CRYL1: variants seen among roughly 807,000 people sequenced by gnomAD.
The protein encoded by CRYL1 is lambda-crystallin homolog.
CRYL1 carries 29 observed loss-of-function variants against 36.6 expected under a neutral mutation model. That is an observed-to-expected ratio of 0.79 (90% CI 0.59 to 1.08). CRYL1 has a LOEUF of 1.08. Among genes scored for constraint, CRYL1 ranks in the 50% least tolerant of loss-of-function variants. The pLI, the probability that CRYL1 is intolerant of heterozygous loss-of-function variation, is 0.00. For synonymous variants in CRYL1, 152 were observed against 151.5 expected, an observed-to-expected ratio of 1.00 and a Z score of -0.02; for missense variants, 411 against 407.9, an observed-to-expected ratio of 1.01 and a Z score of -0.06.
At chr13:20,520,604 T>C (rs1030376951) in intron 1 of CRYL1, among the ~76,000 whole-genome samples, 6 of 152,150 alleles carry the variant, frequency 3.9e-5, no homozygotes, top group Non-Finnish European at 5.9e-5. Context: ...GGCCCCTTCA[T>C]TGCAGAGGAC....
At chr13:20,426,966 G>A (rs1359151026) in intron 5 of CRYL1, 9 of 985,530 alleles carry the variant, frequency 9.1e-6, no homozygotes, top group Non-Finnish European at 1.1e-5. Flanking sequence ...AGCAATTTCC[G>A]AAGCTCATCA....
At chr13:20,445,149 T>C (rs1255432606) in intron 3 of CRYL1, among the ~76,000 whole-genome samples, 3 of 152,212 alleles carry the variant, frequency 2.0e-5, no homozygotes, top group African/African-American at 7.2e-5. Flanking sequence ...TAACTCACAG[T>C]AGCATTTTCA....
intron 5 of CRYL1, chr13:20,431,291 G>A (rs539140336): frequency 7.7e-5 from 76 of 985,280 alleles, no homozygotes; most frequent in Non-Finnish European, 8.9e-5. Context: ...CAGATGACTC[G>A]AGCCCGAGCA....
At chr13:20,426,962 T>A in intron 5 of CRYL1, 2 of 985,620 alleles carry the variant, frequency 2.0e-6, no homozygotes, top group Non-Finnish European at 2.4e-6. Flanking sequence ...GGTCAGCAAT[T>A]TCCGAAGCTC....
intron 2 of CRYL1, among the ~76,000 whole-genome samples, chr13:20,504,302 C>CTTTTTTTTTTTT (rs757657892): frequency 5.4e-5 from 7 of 128,490 alleles, no homozygotes; most frequent in African/African-American, 1.5e-4. Flanking sequence ...CTTTTCTTTT[C>CTTTTTTTTTTTT]TTTTTTTTTT....
rs563936314 is a variant in CRYL1, at chr13:20,414,695, A to C, written c.634-1308T>G. 5.6e-4 allele frequency among the ~76,000 whole-genome samples: 85 copies of C among 152,202 alleles called. 2 individuals carry two copies. Among genetic ancestry groups the C allele is most frequent in the Non-Finnish European group, 1.5e-4 (10 of 68,020 alleles). ...CAATGTAAATTGCAAAGCAAGAGGCAAGTTGTTATGTATTAAGGTTAGACG... is the reference window on the plus strand; with the variant it reads ...CAATGTAAATTGCAAAGCAAGAGGCCAGTTGTTATGTATTAAGGTTAGACG... On this transcript the variant is annotated intron_variant, in intron 5 of 7. Coordinates refer to ENST00000298248, the MANE Select transcript of CRYL1 (RefSeq NM_015974.3).
intron 3 of CRYL1, among the ~76,000 whole-genome samples, chr13:20,445,511 C>A (rs4770032): frequency 8.4e-4 from 128 of 152,016 alleles, no homozygotes; most frequent in Admixed American, 2.6e-3. Context: ...ATGCTCCTAG[C>A]CTACCTGCCT....
chr13:20,483,600 C>T (rs981435479), intron 3 of CRYL1, among the ~76,000 whole-genome samples: 8 of 152,056 alleles, frequency 5.3e-5, no homozygotes, highest in South Asian at 2.1e-4. Context: ...AGTACAGTGG[C>T]GGGATCTCAG....
chr13:20,508,070 A>T (rs1444050857), intron 2 of CRYL1, among the ~76,000 whole-genome samples: 5 of 151,202 alleles, frequency 3.3e-5, no homozygotes, highest in African/African-American at 9.7e-5. Flanking sequence ...TCTACAAAAA[A>T]ATACAAAAAT....
intron 5 of CRYL1, chr13:20,431,692 T>G: frequency 2.7e-6 from 3 of 1,118,952 alleles, no homozygotes; most frequent in Non-Finnish European, 3.3e-6. Flanking sequence ...TTGAAACAAT[T>G]AGGTTCCTTC....
At chr13:20,523,590 C>T (rs1339214946) in intron 1 of CRYL1, among the ~76,000 whole-genome samples, 1 of 151,952 alleles carries the variant, frequency 6.6e-6, no homozygotes, top group East Asian at 1.9e-4. Context: ...AGTGGGTGTT[C>T]CTTGGAATCA....
intron 4 of CRYL1, chr13:20,433,809 T>C (rs2032134649): frequency 6.5e-6 from 1 of 154,350 alleles, no homozygotes; most frequent in Non-Finnish European, 1.5e-5. Flanking sequence ...TAGAAAGCAT[T>C]TCTATGTACA....
intron 3 of CRYL1, among the ~76,000 whole-genome samples, chr13:20,468,691 T>G (rs2032992432): frequency 6.6e-6 from 1 of 152,092 alleles, no homozygotes; most frequent in African/African-American, 2.4e-5. Context: ...CTGCAACCTC[T>G]GCCTCCCGGG....
chr13:20,512,662 TC>T (rs1226044896), intron 1 of CRYL1, 112 bp from the exon 2 acceptor site: 1 of 676,170 alleles, frequency 1.5e-6, no homozygotes, highest in African/African-American at 1.8e-5. Flanking sequence ...CTTAAAATAT[TC>T]AATACATATC....
intron 3 of CRYL1, among the ~76,000 whole-genome samples, chr13:20,450,059 C>A (rs980649999): frequency 1.9e-4 from 29 of 152,204 alleles, no homozygotes; most frequent in African/African-American, 6.5e-4. Context: ...ACCAAACTAT[C>A]AACATCATTT....
At chr13:20,439,489 A>T in intron 4 of CRYL1, 104 bp downstream of exon 4, 1 of 962,572 alleles carries the variant, frequency 1.0e-6, no homozygotes, top group Non-Finnish European at 1.5e-6. Flanking sequence ...TGGATTACTC[A>T]CAAGTTATTG....
chr13:20,484,959 GGTTTCATTTACTT>G (rs901546971), intron 3 of CRYL1, among the ~76,000 whole-genome samples: 1 of 152,086 alleles, frequency 6.6e-6, no homozygotes, highest in Admixed American at 6.5e-5. Flanking sequence ...TCACTCTGGG[GGTTTCATTTACTT>G]GTTTGTTTGG....
In CRYL1 at chr13:20,415,158, G is replaced by GGGTA. The variant is rs1229927020; in HGVS notation, c.634-1775_634-1772dup. Among the ~76,000 whole-genome samples, 3 of 152,112 alleles carry GGGTA rather than the reference G, an allele frequency of 2.0e-5. No homozygotes were observed. The highest frequency in any genetic ancestry group is 4.8e-5 in the African/African-American group (2 of 41,448). ...CGGCCCCAGTCCCTCCCAGGCTTGCGGGTAGAGCCTGTCTTTGCCCAGAAG... is the reference window on the plus strand; with the variant it reads ...CGGCCCCAGTCCCTCCCAGGCTTGCGGGTAGGTAGAGCCTGTCTTTGCCCAGAAG... On this transcript the variant is annotated intron_variant, in intron 5 of 7. Transcript: ENST00000298248. The surrounding 1 kb of genome is among the most constrained non-coding windows in gnomAD (Gnocchi z 4.1).
At chr13:20,505,540 GT>G (rs2033781573) in intron 2 of CRYL1, among the ~76,000 whole-genome samples, 1 of 152,118 alleles carries the variant, frequency 6.6e-6, no homozygotes, top group African/African-American at 2.4e-5. Flanking sequence ...AGGCTAGCAG[GT>G]TCAGGCTCTG....
Sources: allele counts gnomAD v4.1 joint callset (sites outside exome capture counted in the v4.1 genomes callset), GRCh38; gene constraint gnomAD v4.1.1; non-coding constraint Gnocchi (gnomAD v3.1); transcripts MANE v1.5; gene names NCBI Gene and HGNC (gene_info 2026-07-23, HGNC 2026-07-21).